The following GRM4 variants were observed in gnomAD, a reference collection of about 807,000 sequenced individuals.
GRM4 encodes the protein metabotropic glutamate receptor 4.
In GRM4, 28 loss-of-function variants were observed where a neutral mutation model predicts 81.7. That is an observed-to-expected ratio of 0.34 (90% CI 0.25 to 0.47). The LOEUF is 0.47. GRM4 is among the 20% of genes least tolerant of loss of function. The probability of loss-of-function intolerance (pLI) is 1.00; values close to 1 mark genes in which losing one functional copy is unlikely to be tolerated. For missense variants in GRM4, 948 were observed against 1,290.0 expected (o/e 0.73, Z 4.06); for synonymous variants, 488 against 528.8 (o/e 0.92, Z 1.06).
In GRM4 at chr6:34,059,002, C is replaced by T. The variant is rs748921717; in HGVS notation, c.999G>A (p.Thr333=). The change falls in exon 5 of 11, where the codon ACG becomes ACA. Residue 333 remains threonine, a synonymous_variant. Coordinates refer to ENST00000538487, the MANE Select transcript of GRM4 (RefSeq NM_000841.4). The surrounding 1 kb of genome is among the most constrained non-coding windows in gnomAD (Gnocchi z 5.7). ...GTACGGACATCCTCTTGGGGAGGAT[C>T]GTGACAGCACCCTCAGCCACCTCCT... ...HLEEVAEGAV[T]ILPKRMSVRG... is the part of the protein sequence containing the mutation. The T allele has an allele frequency of 1.5e-5, 25 of 1,613,310 alleles. No homozygotes were observed. The East Asian group carries it at 3.3e-4, about 22-fold the overall frequency.
At position 34,022,679 on chromosome 6, in the gene GRM4, G is replaced by A; in HGVS notation, c.*142C>T. 1 of 702,516 alleles carries A rather than the reference G, an allele frequency of 1.4e-6. No individual in the cohort carries two copies. The highest frequency in any genetic ancestry group is 2.5e-6 in the Non-Finnish European group (1 of 400,840). The allele number at this position is 702,516 out of a possible 1,614,324, so 43.5% of individuals were successfully genotyped here. ...AGGCTGCCAGCAGTGATGGCTGGGGGCTCTGCTATCCTCAGCACCAAGCCA... is the reference window on the plus strand; with the variant it reads ...AGGCTGCCAGCAGTGATGGCTGGGGACTCTGCTATCCTCAGCACCAAGCCA... On this transcript the variant is annotated 3_prime_UTR_variant, in exon 11 of 11. Coordinates refer to ENST00000538487, the MANE Select transcript of GRM4 (RefSeq NM_000841.4). This position sits in a 1 kb window ranked among gnomAD's most constrained non-coding sequence, Gnocchi z 5.6.
chr6:34,103,022 G>A (rs1326757503), intron 2 of GRM4, among the ~76,000 whole-genome samples: 2 of 152,164 alleles, frequency 1.3e-5, no homozygotes, highest in Non-Finnish European at 2.9e-5. Flanking sequence ...TCCCTCCTGG[G>A]TTCAGGCAGG....
chr6:34,063,834 C>A (rs1306546468), intron 3 of GRM4, among the ~76,000 whole-genome samples: 1 of 152,142 alleles, frequency 6.6e-6, no homozygotes, highest in Non-Finnish European at 1.5e-5. Context: ...ATTCCTCCCC[C>A]CATCTGGGGA....
chr6:34,129,661 A>T (rs1049382210), intron 2 of GRM4, among the ~76,000 whole-genome samples: 3 of 152,002 alleles, frequency 2.0e-5, no homozygotes, highest in Non-Finnish European at 4.4e-5. Context: ...CCCACTTCTG[A>T]CTCAGCTGTC....
At chr6:34,119,691 T>C (rs1387435180) in intron 2 of GRM4, among the ~76,000 whole-genome samples, 1 of 152,286 alleles carries the variant, frequency 6.6e-6, no homozygotes, top group African/African-American at 2.4e-5. Context: ...GGAGCCTAGA[T>C]TGGAAACCAC....
chr6:34,037,533 T>A (rs188656866), intron 8 of GRM4, among the ~76,000 whole-genome samples: 78 of 152,166 alleles, frequency 5.1e-4, no homozygotes, highest in African/African-American at 1.8e-3. Flanking sequence ...TGATAAAGTG[T>A]AACTAGCTGG....
At position 34,088,325 on chromosome 6, in the gene GRM4, T is replaced by C. The variant is rs775539876; in HGVS notation, c.736+3558A>G. Among the ~76,000 whole-genome samples, 3 of 152,162 alleles carry C rather than the reference T, an allele frequency of 2.0e-5. No homozygotes were observed. The East Asian group carries it at 5.8e-4, about 29-fold the overall frequency. On this transcript the variant is annotated intron_variant, in intron 3 of 10. Transcript: ENST00000538487. ...TTTTAGTAGAGACGGCGTTTCACCA[T>C]GTTGGCCAAGCTGGTCTCAAACTCC...
chr6:34,110,649 C>T (rs1324008508), intron 2 of GRM4: 2 of 1,303,214 alleles, frequency 1.5e-6, no homozygotes, highest in Non-Finnish European at 1.1e-6. Flanking sequence ...CATACCCCTT[C>T]TCATCCCCAC....
intron 1 of GRM4, among the ~76,000 whole-genome samples, chr6:34,137,277 T>G (rs1394158179): frequency 6.6e-6 from 1 of 152,240 alleles, no homozygotes; most frequent in Non-Finnish European, 1.5e-5. Context: ...GGTTCCTTGG[T>G]TCCAGGGGAG....
At chr6:34,067,165 C>T (rs1452185519) in intron 3 of GRM4, among the ~76,000 whole-genome samples, 1 of 152,148 alleles carries the variant, frequency 6.6e-6, no homozygotes, top group Non-Finnish European at 1.5e-5. Flanking sequence ...ATAGACACTT[C>T]GTGGATGAAA....
intron 2 of GRM4, among the ~76,000 whole-genome samples, chr6:34,094,123 G>A (rs1768388316): frequency 6.6e-6 from 1 of 152,150 alleles, no homozygotes; most frequent in African/African-American, 2.4e-5. Context: ...GATATTCTGG[G>A]GTAAAAACAA....
chr6:34,040,609 C>G lies in GRM4; in HGVS notation c.1308G>C (p.Pro436=), dbSNP rs369359112. 6.2e-7 allele frequency: 1 copy of G among 1,614,060 alleles called. No homozygotes were observed. The highest frequency in any genetic ancestry group is 2.2e-5 in the East Asian group (1 of 44,890). Reference sequence around the variant, plus strand: ...GGGTGCCATCTACAGGGTCCATGCGCGGGCAGAGCCCCACGCGGCCGGGAC... The same window carrying G: ...GGGTGCCATCTACAGGGTCCATGCGGGGGCAGAGCCCCACGCGGCCGGGAC... ...DLCPGRVGLC[P]RMDPVDGTQL... is the part of the protein sequence containing the mutation. The change falls in exon 7 of 11, where the codon CCG becomes CCC. Residue 436 remains proline, a synonymous_variant. Coordinates refer to ENST00000538487, the MANE Select transcript of GRM4 (RefSeq NM_000841.4).
At chr6:34,116,790 T>C (rs1197432857) in intron 2 of GRM4, among the ~76,000 whole-genome samples, 1 of 151,982 alleles carries the variant, frequency 6.6e-6, no homozygotes, top group Non-Finnish European at 1.5e-5. Flanking sequence ...AAAGGGTAAA[T>C]AAATGATGAA....
At chr6:34,155,030 C>T in intron 1 of GRM4, 1 of 1,409,272 alleles carries the variant, frequency 7.1e-7, no homozygotes, top group Non-Finnish European at 9.5e-7. Context: ...TGGGCACCTC[C>T]CCGTCCCACG....
chr6:34,155,142 C>G (rs1418925949), exon 1 of GRM4: 8 of 1,534,670 alleles, frequency 5.2e-6, no homozygotes, highest in Non-Finnish European at 7.0e-6. Flanking sequence ...TGCTTCCCAG[C>G]TGGGCGGCCG....
At chr6:34,032,080 C>A (rs978372790) in intron 9 of GRM4, among the ~76,000 whole-genome samples, 14 of 152,094 alleles carry the variant, frequency 9.2e-5, no homozygotes, top group Admixed American at 2.6e-4. Flanking sequence ...CACACACTCA[C>A]TAACATTTGC....
chr6:34,064,846 G>A lies in GRM4; in HGVS notation c.737-2818C>T, dbSNP rs1313152784. Among the ~76,000 whole-genome samples, 1 of 152,122 alleles carries A rather than the reference G, an allele frequency of 6.6e-6. No individual in the cohort carries two copies. Among genetic ancestry groups the A allele is most frequent in the Non-Finnish European group, 1.5e-5 (1 of 68,028 alleles). The stretch of plus-strand genomic sequence containing the variant: ...CTCAATGAATCCTTACACATTAGCC[G>A]GTGCTAATATCCCCATCTCACAGAT... On this transcript the variant is annotated intron_variant, in intron 3 of 10. Transcript: ENST00000538487. This position sits in a 1 kb window ranked among gnomAD's most constrained non-coding sequence, Gnocchi z 4.4.
Position 34,091,632 on chromosome 6 carries a change from G to A in GRM4, c.736+251C>T, listed in dbSNP as rs577251028. Reference sequence around the variant, plus strand: ...GCCCCGCAGGCTCCTGCACCAGGGAGGTCAACAGTCCCCTCATCTGCACAC... The same window carrying A: ...GCCCCGCAGGCTCCTGCACCAGGGAAGTCAACAGTCCCCTCATCTGCACAC... On this transcript the variant is annotated intron_variant, in intron 3 of 10. Coordinates refer to ENST00000538487, the MANE Select transcript of GRM4 (RefSeq NM_000841.4). The A allele has an allele frequency of 4.2e-4, 231 of 553,320 alleles. 1 individual carries two copies. The South Asian group carries it at 4.9e-3, about 12-fold the overall frequency. The allele number at this position is 553,320 out of a possible 1,614,324, so 34.3% of individuals were successfully genotyped here.
intron 3 of GRM4, among the ~76,000 whole-genome samples, chr6:34,088,801 A>G (rs1238323115): frequency 3.9e-5 from 6 of 152,238 alleles, no homozygotes; most frequent in African/African-American, 1.4e-4. Flanking sequence ...TGTAATAGTC[A>G]CAGGGGGTGT....
Sources: allele counts gnomAD v4.1 joint callset (sites outside exome capture counted in the v4.1 genomes callset), GRCh38; gene constraint gnomAD v4.1.1; non-coding constraint Gnocchi (gnomAD v3.1); transcripts MANE v1.5; gene names NCBI Gene and HGNC (gene_info 2026-07-23, HGNC 2026-07-21).